MYL4: variants seen among roughly 807,000 people sequenced by gnomAD.
MYL4 encodes atrial myosin light chain 1.
A neutral mutation model predicts 21.6 loss-of-function variants in MYL4; 16 were observed. The observed-to-expected ratio is 0.74, with a 90% CI of 0.50 to 1.12. The LOEUF is 1.12. Ranked by LOEUF, MYL4 falls within the 50% of genes most tolerant of loss-of-function variation. The probability of loss-of-function intolerance (pLI) is 0.00; values close to 1 mark genes in which losing one functional copy is unlikely to be tolerated. For synonymous variants in MYL4, 82 were observed against 95.7 expected, an observed-to-expected ratio of 0.86 and a Z score of 0.83; for missense variants, 249 against 252.9, an observed-to-expected ratio of 0.98 and a Z score of 0.11.
At chr17:47,224,583 A>G (rs2064878157), downstream of MYL4, among the ~76,000 whole-genome samples, 1 of 152,154 alleles carries the variant, frequency 6.6e-6, no homozygotes, top group Non-Finnish European at 1.5e-5. Flanking sequence ...TTCCATTTCT[A>G]TGAATTTGAC....
At chr17:47,196,965 A>G (rs2149036606), upstream of MYL4, among the ~76,000 whole-genome samples, 1 of 152,036 alleles carries the variant, frequency 6.6e-6, no homozygotes, top group East Asian at 1.9e-4. Context: ...ATATTTTTGA[A>G]ATATCTGATG....
upstream of MYL4, among the ~76,000 whole-genome samples, chr17:47,206,618 G>T (rs2064729321): frequency 6.6e-6 from 1 of 152,114 alleles, no homozygotes; most frequent in Non-Finnish European, 1.5e-5. Flanking sequence ...GGAGCTCCAA[G>T]GTCTGGCCTT....
chr17:47,203,997 A>G (rs1309072703), intron 1 of MYL4, among the ~76,000 whole-genome samples: 1 of 152,252 alleles, frequency 6.6e-6, no homozygotes, highest in African/African-American at 2.4e-5. Flanking sequence ...TATAGTTCAC[A>G]TGCCCTGGAA....
intron 2 of MYL4, 75 bp from the exon 3 acceptor site, chr17:47,219,829 G>T (rs981565247): frequency 3.1e-4 from 486 of 1,555,266 alleles, no homozygotes; most frequent in South Asian, 4.2e-4. Context: ...TATTCAGCTT[G>T]GGTGGAGGCT....
chr17:47,210,715 A>G (rs922179967), intron 1 of MYL4, among the ~76,000 whole-genome samples: 1 of 126,036 alleles, frequency 7.9e-6, no homozygotes, highest in African/African-American at 3.1e-5. Flanking sequence ...CCAAAGACCC[A>G]GTCCCCGCAA....
At chr17:47,223,217 G>A (rs989277283) in intron 6 of MYL4, 160 bp downstream of exon 6, 13 of 679,712 alleles carry the variant, frequency 1.9e-5, no homozygotes, top group Non-Finnish European at 1.0e-5. Context: ...ACCATCTCCT[G>A]TCTCCTGCCT....
the MYL4 span, among the ~76,000 whole-genome samples, chr17:47,192,354 C>CAAAA: frequency 1.3e-5 from 1 of 78,692 alleles, no homozygotes; most frequent in African/African-American, 4.9e-5. Flanking sequence ...AACTCCGTCT[C>CAAAA]AAAAAAAAAA....
intron 2 of MYL4, among the ~76,000 whole-genome samples, chr17:47,218,465 C>T (rs2064831267): frequency 6.6e-6 from 1 of 152,146 alleles, no homozygotes; most frequent in Non-Finnish European, 1.5e-5. Context: ...AAATTACCTC[C>T]ACTAATGAAT....
At position 47,213,958 on chromosome 17, in the gene MYL4, T is replaced by C. The variant is rs751373121; in HGVS notation, c.163+132T>C. 18 of 1,066,690 alleles carry C rather than the reference T, an allele frequency of 1.7e-5. No individual in the cohort carries two copies. In the African/African-American group the frequency reaches 2.6e-4, roughly 16 times the overall value. The allele number at this position is 1,066,690 out of a possible 1,614,324, so 66.1% of individuals were successfully genotyped here. On this transcript the variant is annotated intron_variant, in intron 2 of 6. Coordinates refer to ENST00000393450, the MANE Select transcript of MYL4 (RefSeq NM_002476.2). Reference sequence around the variant, plus strand: ...CTGTCATCATCATAGCAAACCTATATTGAGCATCTACCATGTGTCAGGCAT... The same window carrying C: ...CTGTCATCATCATAGCAAACCTATACTGAGCATCTACCATGTGTCAGGCAT...
chr17:47,226,424 A>G (rs2064885841), downstream of MYL4, among the ~76,000 whole-genome samples: 1 of 152,210 alleles, frequency 6.6e-6, no homozygotes, highest in South Asian at 2.1e-4. Context: ...AATTCAACAG[A>G]TGCCCATTGG....
intron 2 of MYL4, among the ~76,000 whole-genome samples, chr17:47,218,641 C>T (rs2064832234): frequency 6.6e-6 from 1 of 152,036 alleles, no homozygotes; most frequent in African/African-American, 2.4e-5. Context: ...AAAAATTAGC[C>T]AGGTGTCGTG....
intron 3 of MYL4, among the ~76,000 whole-genome samples, chr17:47,220,758 T>A (rs1012209473): frequency 6.6e-6 from 1 of 152,210 alleles, no homozygotes; most frequent in Non-Finnish European, 1.5e-5. Flanking sequence ...TGTTTGTGAA[T>A]GTTGTCTGTC....
Position 47,223,025 on chromosome 17 carries a change from C to G in MYL4, c.577C>G (p.His193Asp). The change falls in exon 6 of 7, where the codon CAC (histidine) becomes GAC (aspartate). Residue 193 changes from histidine to aspartate, a missense_variant. Transcript: ENST00000393450. Reference protein sequence around the residue: ...GCINYEAFVKHIMSG With the variant: ...GCINYEAFVKDIMSG ...CACTTTTTTCCTAGCCTTTGTCAAG[C>G]ACATCATGTCAGGGTGAAGCAGAGT... is the stretch of plus-strand genomic sequence containing the variant. The G allele has an allele frequency of 6.2e-7, 1 of 1,614,160 alleles. No individual in the cohort carries two copies. Among genetic ancestry groups the G allele is most frequent in the South Asian group, 1.1e-5 (1 of 91,084 alleles).
At chr17:47,213,091 C>T (rs2064788053) in intron 1 of MYL4, among the ~76,000 whole-genome samples, 1 of 152,046 alleles carries the variant, frequency 6.6e-6, no homozygotes, top group African/African-American at 2.4e-5. Flanking sequence ...TGCAGCTTGT[C>T]AGAGGACTAT....
downstream of MYL4, among the ~76,000 whole-genome samples, chr17:47,227,474 A>G (rs1329446471): frequency 6.6e-6 from 1 of 152,004 alleles, no homozygotes; most frequent in African/African-American, 2.4e-5. Context: ...GGATCCATTT[A>G]TATACAGACA....
intron 1 of MYL4, among the ~76,000 whole-genome samples, chr17:47,201,320 C>CT (rs905419369): frequency 5.3e-5 from 8 of 151,302 alleles, no homozygotes; most frequent in Non-Finnish European, 5.9e-5. Context: ...TGATTCATTG[C>CT]TTTTTTTTTC....
At chr17:47,197,753 T>G (rs1401094680), upstream of MYL4, among the ~76,000 whole-genome samples, 1 of 152,248 alleles carries the variant, frequency 6.6e-6, no homozygotes, top group East Asian at 1.9e-4. Flanking sequence ...GTGAGTGTTC[T>G]AAGCACGTTT....
At chr17:47,199,674 CAA>C (rs34989806), upstream of MYL4, among the ~76,000 whole-genome samples, 206 of 127,364 alleles carry the variant, frequency 1.6e-3, no homozygotes, top group Admixed American at 1.6e-3. Flanking sequence ...GACCCTGTCT[CAA>C]AAAAAAAAAA....
At chr17:47,222,991 G>A (rs759560621) in intron 5 of MYL4, 23 bp from the exon 6 acceptor site, 1 of 1,614,136 alleles carries the variant, frequency 6.2e-7, no homozygotes, top group Non-Finnish European at 8.5e-7. Context: ...CCACATGGTG[G>A]CTGATTTTCA....
Sources: gnomAD v4.1 joint callset for allele counts (sites outside exome capture counted in the v4.1 genomes callset) on GRCh38, gnomAD v4.1.1 for gene constraint, MANE v1.5 for transcripts, NCBI Gene and HGNC (gene_info 2026-07-23, HGNC 2026-07-21) for gene names.